PDE3A: variants seen among roughly 807,000 people sequenced by gnomAD.
PDE3A encodes the protein cGMP-inhibited 3',5'-cyclic phosphodiesterase 3A.
Under a neutral mutation model 98.3 loss-of-function variants are expected in PDE3A, and 43 were observed. The ratio of observed to expected loss-of-function variants is 0.44; its 90% confidence interval spans 0.34 to 0.56. The LOEUF (loss-of-function observed/expected upper bound fraction) is 0.56, where lower values mean the gene tolerates loss of function less well. PDE3A is among the 20% of genes least tolerant of loss of function. The pLI, the probability that PDE3A is intolerant of heterozygous loss-of-function variation, is 0.01. For missense variants in PDE3A, 1,427 were observed against 1,440.7 expected, an observed-to-expected ratio of 0.99 and a Z score of 0.15; for synonymous variants, 663 against 567.9, an observed-to-expected ratio of 1.17 and a Z score of -2.38.
intron 3 of PDE3A, among the ~76,000 whole-genome samples, chr12:20,614,083 C>G (rs890209422): frequency 2.0e-5 from 3 of 152,136 alleles, no homozygotes; most frequent in African/African-American, 4.8e-5. Flanking sequence ...TTCATTGACT[C>G]CTAAAGCTAA....
chr12:20,607,989 A>G (rs1215473041), intron 2 of PDE3A, among the ~76,000 whole-genome samples: 1 of 152,176 alleles, frequency 6.6e-6, no homozygotes, highest in African/African-American at 2.4e-5. Context: ...ATAGGCATGG[A>G]AAAAACTTCT....
intron 1 of PDE3A, among the ~76,000 whole-genome samples, chr12:20,411,391 G>GGAC (rs1944329858): frequency 6.6e-6 from 1 of 152,106 alleles, no homozygotes; most frequent in Non-Finnish European, 1.5e-5. Flanking sequence ...AAGTAAAATA[G>GGAC]GACAGTATGT....
chr12:20,595,020 A>G (rs1943431994), intron 2 of PDE3A, among the ~76,000 whole-genome samples: 2 of 152,128 alleles, frequency 1.3e-5, no homozygotes, highest in Admixed American at 1.3e-4. Flanking sequence ...GTATTAGAAT[A>G]TTTTCAACTG....
intron 1 of PDE3A, among the ~76,000 whole-genome samples, chr12:20,402,780 A>G (rs1013345389): frequency 6.6e-6 from 1 of 152,168 alleles, no homozygotes; most frequent in Non-Finnish European, 1.5e-5. Flanking sequence ...TGGCTGAAAA[A>G]TAGGTCTGTA....
intron 1 of PDE3A, among the ~76,000 whole-genome samples, chr12:20,447,041 G>GTTTTAT (rs1346974779): frequency 6.6e-6 from 1 of 152,202 alleles, no homozygotes; most frequent in African/African-American, 2.4e-5. Context: ...ATATTGAGGA[G>GTTTTAT]TGTGGATTTT....
At chr12:20,375,355 T>C (rs1943551498) in intron 1 of PDE3A, among the ~76,000 whole-genome samples, 1 of 151,970 alleles carries the variant, frequency 6.6e-6, no homozygotes, top group African/African-American at 2.4e-5. Flanking sequence ...TGTTGTTGTT[T>C]GTTTTTTTAG....
intron 2 of PDE3A, among the ~76,000 whole-genome samples, chr12:20,573,612 G>A (rs1426388944): frequency 6.6e-6 from 1 of 152,040 alleles, no homozygotes; most frequent in Non-Finnish European, 1.5e-5. Context: ...CGTCTCTTCT[G>A]TGCTATATTC....
intron 7 of PDE3A, 136 bp downstream of exon 7, chr12:20,633,914 G>A (rs531342980): frequency 5.1e-5 from 28 of 545,538 alleles, no homozygotes; most frequent in African/African-American, 5.8e-5. Context: ...TGGTCAGGTC[G>A]GTCTCAAACT....
chr12:20,505,538 T>G (rs1289855572), intron 1 of PDE3A, among the ~76,000 whole-genome samples: 1 of 152,112 alleles, frequency 6.6e-6, no homozygotes, highest in African/African-American at 2.4e-5. Context: ...TGTGCCATGG[T>G]GAATCTTTGC....
intron 15 of PDE3A, among the ~76,000 whole-genome samples, chr12:20,673,229 G>A (rs1310535665): frequency 1.3e-5 from 2 of 152,068 alleles, no homozygotes; most frequent in African/African-American, 2.4e-5. Flanking sequence ...TGGAGAAATA[G>A]GAACACTTTT....
intron 1 of PDE3A, among the ~76,000 whole-genome samples, chr12:20,506,338 A>G (rs903658524): frequency 3.9e-5 from 6 of 152,056 alleles, no homozygotes; most frequent in Non-Finnish European, 8.8e-5. Context: ...AATATGCACT[A>G]TACACACAGT....
chr12:20,680,155 C>T lies in PDE3A; in HGVS notation c.3310C>T (p.Leu1104=). Residue 1104 remains leucine (L), a synonymous_variant, in exon 16 of 16, where the codon CTG becomes TTG. Transcript: ENST00000359062. ...GTTGGCAGGCATAGAAAATCAATCC[C>T]TGGACCAGACCCCTCAGTCGCACTC... ...QRLAGIENQS[L]DQTPQSHSSE... is the part of the protein sequence containing the mutation. The T allele has an allele frequency of 6.2e-7, 1 of 1,613,862 alleles. No homozygotes were observed. Among genetic ancestry groups the T allele is most frequent in the South Asian group, 1.1e-5 (1 of 91,066 alleles).
At chr12:20,542,116 G>A (rs1363884404) in intron 1 of PDE3A, among the ~76,000 whole-genome samples, 1 of 152,040 alleles carries the variant, frequency 6.6e-6, no homozygotes, top group Admixed American at 6.6e-5. Context: ...AAGTAGCAGG[G>A]AAAATGTTTG....
chr12:20,446,305 G>A (rs148963607), intron 1 of PDE3A, among the ~76,000 whole-genome samples: 98 of 152,236 alleles, frequency 6.4e-4, no homozygotes, highest in Non-Finnish European at 1.1e-3. Flanking sequence ...GCTTTCAGAC[G>A]GTCATGTATT....
rs566688409 is a variant in PDE3A at position 20,474,099 on chromosome 12, C to T, written c.961-82561C>T. On this transcript the variant is annotated intron_variant, in intron 1 of 15. Transcript: ENST00000359062. ...TGATTGTAGCAATATACACTCTCCC[C>T]GGCAGGGTGGGTGAATTCTAGTTGT... Among the ~76,000 whole-genome samples, 7 of 152,184 alleles carry T rather than the reference C, an allele frequency of 4.6e-5. No homozygotes were observed. The South Asian group carries it at 6.2e-4, about 14-fold the overall frequency.
Position 20,552,860 on chromosome 12 carries a change from G to A in PDE3A, c.961-3800G>A. On this transcript the variant is annotated intron_variant, in intron 1 of 15. Transcript: ENST00000359062. This position sits in a 1 kb window ranked among gnomAD's most constrained non-coding sequence, Gnocchi z 5.1. ...ACGACCGTGTGCCAGCACAACGTGT[G>A]CAAGGACTGCCTGGACAGATCCTTT... 1.9e-6 allele frequency: 3 copies of A among 1,613,848 alleles called. No individual in the cohort carries two copies. Among genetic ancestry groups the A allele is most frequent in the Non-Finnish European group, 2.5e-6 (3 of 1,179,832 alleles).
chr12:20,672,918 C>CAA (rs1305732887), intron 15 of PDE3A, among the ~76,000 whole-genome samples: 1 of 144,234 alleles, frequency 6.9e-6, no homozygotes, highest in Non-Finnish European at 1.5e-5. Context: ...AGGCAACCTA[C>CAA]AAAATGGGAG....
intron 1 of PDE3A, among the ~76,000 whole-genome samples, chr12:20,436,079 C>T (rs926061550): frequency 6.6e-6 from 1 of 152,124 alleles, no homozygotes; most frequent in African/African-American, 2.4e-5. Context: ...TCAGCATTAC[C>T]TGGGAGCTGC....
intron 1 of PDE3A, among the ~76,000 whole-genome samples, chr12:20,493,888 C>A (rs897484035): frequency 1.3e-5 from 2 of 152,230 alleles, no homozygotes; most frequent in Non-Finnish European, 2.9e-5. Context: ...CCTCGACCTC[C>A]CAAAGTGTTG....
Sources: allele counts gnomAD v4.1 joint callset (sites outside exome capture counted in the v4.1 genomes callset), GRCh38; gene constraint gnomAD v4.1.1; non-coding constraint Gnocchi (gnomAD v3.1); transcripts MANE v1.5; gene names NCBI Gene and HGNC (gene_info 2026-07-23, HGNC 2026-07-21).